Variants in KCTD8 observed in about 807,000 individuals in gnomAD.
The protein encoded by KCTD8 is BTB/POZ domain-containing protein KCTD8.
A neutral mutation model predicts 31.5 loss-of-function variants in KCTD8; 27 were observed. The ratio of observed to expected loss-of-function variants is 0.86; its 90% CI spans 0.63 to 1.18. The LOEUF (loss-of-function observed/expected upper bound fraction) is 1.18. Among genes scored for constraint, KCTD8 ranks in the 50% most tolerant of loss-of-function variants. The probability of loss-of-function intolerance (pLI) is 0.00; values close to 1 mark genes in which losing one functional copy is unlikely to be tolerated. For synonymous variants in KCTD8, 290 were observed against 280.0 expected (o/e 1.04, Z -0.36); for missense variants, 658 against 647.7 (o/e 1.02, Z -0.17).
chr4:44,318,598 T>C (rs1718206695), intron 1 of KCTD8, among the ~76,000 whole-genome samples: 1 of 152,186 alleles, frequency 6.6e-6, no homozygotes, highest in African/African-American at 2.4e-5. Flanking sequence ...AGGATGTCAT[T>C]GGATACCTTG....
intron 1 of KCTD8, among the ~76,000 whole-genome samples, chr4:44,256,126 G>A (rs1715984304): frequency 6.6e-6 from 1 of 151,840 alleles, no homozygotes; most frequent in Non-Finnish European, 1.5e-5. Context: ...TTACTACCAT[G>A]AGAACAGCAG....
intron 1 of KCTD8, among the ~76,000 whole-genome samples, chr4:44,385,218 T>C (rs1038917034): frequency 2.7e-4 from 41 of 151,590 alleles, no homozygotes. Flanking sequence ...ATTTAAAAAG[T>C]TCAGCCTAAA....
At chr4:44,426,017 A>C (rs1721336501) in intron 1 of KCTD8, among the ~76,000 whole-genome samples, 1 of 151,896 alleles carries the variant, frequency 6.6e-6, no homozygotes, top group Admixed American at 6.6e-5. Flanking sequence ...AACAAGAGGA[A>C]TTTGAAAAAA....
At chr4:44,182,203 C>T (rs576602378) in intron 1 of KCTD8, among the ~76,000 whole-genome samples, 47 of 144,094 alleles carry the variant, frequency 3.3e-4, no homozygotes, top group African/African-American at 1.0e-3. Context: ...CCGACCCGTC[C>T]GGGAGGTGGG....
At chr4:44,184,281 CA>C (rs1713515270) in intron 1 of KCTD8, among the ~76,000 whole-genome samples, 1 of 152,118 alleles carries the variant, frequency 6.6e-6, no homozygotes, top group Non-Finnish European at 1.5e-5. Flanking sequence ...TTGAAACTTA[CA>C]GGTCATAGAG....
intron 1 of KCTD8, among the ~76,000 whole-genome samples, chr4:44,398,313 G>A (rs992515283): frequency 1.3e-5 from 2 of 152,192 alleles, no homozygotes; most frequent in African/African-American, 4.8e-5. Context: ...AAGAGTTCAT[G>A]TGTCCTCTTT....
rs777588352 is a variant in KCTD8, at chr4:44,448,243, C to G, written c.281G>C (p.Arg94Pro). The G allele has an allele frequency of 3.7e-6, 6 of 1,611,036 alleles. No individual in the cohort carries two copies. The Admixed American group carries it at 8.4e-5, about 22-fold the overall frequency. Residue 94 changes from arginine to proline, a missense_variant, in exon 1 of 2, where the codon CGG becomes CCG. Transcript: ENST00000360029. The surrounding 1 kb of genome is among the most constrained non-coding windows in gnomAD (Gnocchi z 4.1). ...RRRGELPRDS[R>P]ARFFIDRDGF... ...GTCCCGGTCGATGAAGAAGCGCGCC[C>G]GGCTGTCCCTGGGCAGCTCGCCCCG...
intron 1 of KCTD8, among the ~76,000 whole-genome samples, chr4:44,357,718 G>GA (rs767222860): frequency 4.5e-4 from 69 of 151,828 alleles, no homozygotes; most frequent in Non-Finnish European, 9.4e-4. Context: ...AAAATTTAAG[G>GA]AAAAAAGATA....
intron 1 of KCTD8, among the ~76,000 whole-genome samples, chr4:44,412,888 C>A (rs1303504733): frequency 5.3e-5 from 8 of 152,032 alleles, no homozygotes; most frequent in Non-Finnish European, 1.0e-4. Flanking sequence ...TTCAAAGAGT[C>A]GTTCCAAAAC....
chr4:44,377,952 A>T (rs958070471), intron 1 of KCTD8, among the ~76,000 whole-genome samples: 1 of 152,086 alleles, frequency 6.6e-6, no homozygotes, highest in Non-Finnish European at 1.5e-5. Flanking sequence ...TGTTTGCCAT[A>T]CATAGGCAAT....
At chr4:44,365,912 TTACAGTG>T (rs1312540296) in intron 1 of KCTD8, among the ~76,000 whole-genome samples, 1 of 152,120 alleles carries the variant, frequency 6.6e-6, no homozygotes, top group African/African-American at 2.4e-5. Flanking sequence ...TGGTCACACA[TTACAGTG>T]GATTACTATG....
chr4:44,371,582 C>T (rs1413328637), intron 1 of KCTD8, among the ~76,000 whole-genome samples: 1 of 151,850 alleles, frequency 6.6e-6, no homozygotes, highest in Non-Finnish European at 1.5e-5. Context: ...GAGGCTATTC[C>T]CAATTAAATA....
chr4:44,419,786 C>T (rs920547248), intron 1 of KCTD8, among the ~76,000 whole-genome samples: 10 of 151,700 alleles, frequency 6.6e-5, no homozygotes, highest in Non-Finnish European at 1.2e-4. Flanking sequence ...ATCAACATGG[C>T]ACATGTATAC....
chr4:44,247,640 G>C (rs1715705233), intron 1 of KCTD8, among the ~76,000 whole-genome samples: 1 of 151,668 alleles, frequency 6.6e-6, no homozygotes, highest in African/African-American at 2.4e-5. Flanking sequence ...CCAGCTCTTG[G>C]CAATCACCAT....
intron 1 of KCTD8, among the ~76,000 whole-genome samples, chr4:44,382,524 C>G (rs1222494455): frequency 6.6e-6 from 1 of 151,884 alleles, no homozygotes; most frequent in Non-Finnish European, 1.5e-5. Flanking sequence ...GTCAACAGTT[C>G]AAGACCATCT....
intron 1 of KCTD8, among the ~76,000 whole-genome samples, chr4:44,194,354 A>T (rs975785155): frequency 6.6e-6 from 1 of 152,218 alleles, no homozygotes; most frequent in Non-Finnish European, 1.5e-5. Context: ...GATTAAAAGT[A>T]AAAGATCATG....
At chr4:44,327,379 A>G (rs1035786005) in intron 1 of KCTD8, among the ~76,000 whole-genome samples, 1 of 151,752 alleles carries the variant, frequency 6.6e-6, no homozygotes, top group African/African-American at 2.4e-5. Context: ...TACTATCTCT[A>G]TTTCCTTGTA....
At chr4:44,373,055 A>G (rs536853742) in intron 1 of KCTD8, among the ~76,000 whole-genome samples, 7 of 152,176 alleles carry the variant, frequency 4.6e-5, no homozygotes, top group African/African-American at 1.7e-4. Context: ...ATGCTCATAG[A>G]CTAAGATCCT....
At chr4:44,183,941 G>C (rs545286019) in intron 1 of KCTD8, among the ~76,000 whole-genome samples, 80 of 152,244 alleles carry the variant, frequency 5.3e-4, no homozygotes, top group African/African-American at 1.7e-3. Context: ...TTAAATATTA[G>C]CACCACACGC....
Sources: allele counts gnomAD v4.1 joint callset (sites outside exome capture counted in the v4.1 genomes callset), GRCh38; gene constraint gnomAD v4.1.1; non-coding constraint Gnocchi (gnomAD v3.1); transcripts MANE v1.5; gene names NCBI Gene and HGNC (gene_info 2026-07-23, HGNC 2026-07-21).